Variants in CCDC102B observed in about 807,000 individuals in gnomAD.
CCDC102B encodes the protein coiled-coil domain containing 102B.
Under a neutral mutation model 57.4 loss-of-function variants are expected in CCDC102B, and 75 were observed. The ratio of observed to expected loss-of-function variants is 1.31; its 90% CI spans 1.08 to 1.58. CCDC102B has a LOEUF of 1.58. Among genes scored for constraint, CCDC102B ranks in the 40% most tolerant of loss-of-function variants. The pLI is 0.00. For synonymous variants in CCDC102B, 206 were observed against 201.9 expected (o/e 1.02, Z -0.17); for missense variants, 636 against 582.6 (o/e 1.09, Z -0.94).
At chr18:68,734,854 T>A (rs1397754167) in intron 2 of CCDC102B, 1 of 152,154 alleles carries the variant, frequency 6.6e-6, no homozygotes, top group Non-Finnish European at 1.5e-5. Flanking sequence ...TAGTCTTTTT[T>A]AAAAAAATTA....
intron 4 of CCDC102B, among the ~76,000 whole-genome samples, chr18:68,856,122 T>G (rs2038373839): frequency 6.6e-6 from 1 of 152,192 alleles, no homozygotes; most frequent in Admixed American, 6.5e-5. Context: ...TCACATACTT[T>G]AACTTCATAA....
intron 7 of CCDC102B, among the ~76,000 whole-genome samples, chr18:69,047,714 A>T (rs147746185): frequency 2.0e-4 from 31 of 152,238 alleles, no homozygotes; most frequent in African/African-American, 7.5e-4. Context: ...AAATCAATGT[A>T]CGGTAATCAG....
At chr18:68,863,468 C>T (rs2038847512) in intron 4 of CCDC102B, among the ~76,000 whole-genome samples, 2 of 151,890 alleles carry the variant, frequency 1.3e-5, no homozygotes, top group Non-Finnish European at 2.9e-5. Flanking sequence ...CAGACTGATC[C>T]TCATTGCCTA....
chr18:69,013,044 A>T (rs2051562099), intron 7 of CCDC102B, among the ~76,000 whole-genome samples: 2 of 151,834 alleles, frequency 1.3e-5, no homozygotes, highest in Admixed American at 1.3e-4. Context: ...AAAAAAAAAC[A>T]TTATATCAAA....
chr18:69,015,925 G>A (rs2051652158), intron 7 of CCDC102B, among the ~76,000 whole-genome samples: 1 of 151,810 alleles, frequency 6.6e-6, no homozygotes, highest in South Asian at 2.1e-4. Flanking sequence ...TGTGATCTTG[G>A]CTCACTGCAA....
chr18:68,943,906 T>G (rs944123649), intron 6 of CCDC102B, among the ~76,000 whole-genome samples: 1 of 152,134 alleles, frequency 6.6e-6, no homozygotes, highest in African/African-American at 2.4e-5. Flanking sequence ...TACAGAGAGA[T>G]AAACAATTTA....
At chr18:68,876,769 A>G (rs1043007153) in intron 5 of CCDC102B, among the ~76,000 whole-genome samples, 15 of 152,224 alleles carry the variant, frequency 9.9e-5, no homozygotes, top group African/African-American at 3.6e-4. Context: ...CTCAGGAAAC[A>G]GAATATATAA....
chr18:68,854,344 C>A (rs777288802), intron 4 of CCDC102B, among the ~76,000 whole-genome samples: 3 of 152,148 alleles, frequency 2.0e-5, no homozygotes, highest in Non-Finnish European at 4.4e-5. Context: ...AGGTGACCCG[C>A]CTGCCTCGGC....
Position 68,984,221 on chromosome 18 carries a change from G to C in CCDC102B, c.1264-26713G>C, listed in dbSNP as rs77765885. Among the ~76,000 whole-genome samples, 552 of 151,912 alleles carry C rather than the reference G, an allele frequency of 3.6e-3. 20 individuals carry two copies. The East Asian group carries it at 0.081, about 22-fold the overall frequency. On this transcript the variant is annotated intron_variant, in intron 6 of 7. Coordinates refer to ENST00000360242, the MANE Select transcript of CCDC102B (RefSeq NM_024781.3). Reference sequence around the variant, plus strand: ...ATATCCTCTCTATGAGCTACCACAGGCTTGTTCCAATACATGAATACACTG... The same window carrying C: ...ATATCCTCTCTATGAGCTACCACAGCCTTGTTCCAATACATGAATACACTG...
intron 7 of CCDC102B, among the ~76,000 whole-genome samples, chr18:69,014,605 G>A (rs556056456): frequency 1.3e-5 from 2 of 151,882 alleles, no homozygotes; most frequent in South Asian, 2.1e-4. Context: ...GTGTGTGTTG[G>A]GGGGGCGGGG....
intron 6 of CCDC102B, among the ~76,000 whole-genome samples, chr18:68,986,248 T>C (rs1233993526): frequency 6.6e-6 from 1 of 151,974 alleles, no homozygotes; most frequent in Non-Finnish European, 1.5e-5. Context: ...GACACAAAAA[T>C]CATCAGCAAA....
rs116024640 is a variant in CCDC102B at position 69,011,453 on chromosome 18, T to A, written c.1434+349T>A. Among the ~76,000 whole-genome samples the A allele has an allele frequency of 9.6e-4, 146 of 152,070 alleles. 3 individuals carry two copies. Among genetic ancestry groups the A allele is most frequent in the African/African-American group, 3.4e-3 (142 of 41,486 alleles). On this transcript the variant is annotated intron_variant, in intron 7 of 7. Transcript: ENST00000360242. ...GTGTTTTAAGATTTAAGCATCTATA[T>A]CAAAAAGTGTGATATATCTTATTAT... is the stretch of plus-strand genomic sequence containing the variant.
chr18:68,838,728 C>T lies in CCDC102B; in HGVS notation c.629C>T (p.Ser210Phe), dbSNP rs753089174. ...NNKEQGVVID[S>F]LKLSEEMKPN... ...CAGGAACAAGGTGTGGTTATTGATT[C>T]TCTAAAATTAAGTGAGGAGATGAAG... The change falls in exon 3 of 8, where the codon TCT becomes TTT. Residue 210 changes from serine to phenylalanine, a missense_variant. Coordinates refer to ENST00000360242, the MANE Select transcript of CCDC102B (RefSeq NM_024781.3). 2.5e-6 allele frequency: 4 copies of T among 1,613,532 alleles called. No individual in the cohort carries two copies. The highest frequency in any genetic ancestry group is 1.3e-5 in the African/African-American group (1 of 74,856).
At chr18:69,014,941 A>G (rs113992378) in intron 7 of CCDC102B, among the ~76,000 whole-genome samples, 4,812 of 144,520 alleles carry the variant, frequency 0.033, 279 homozygotes, top group African/African-American at 0.11. Context: ...AGTGGCCTGC[A>G]CTATACTGTA....
At chr18:68,818,867 T>TAAC (rs2036590958) in intron 1 of CCDC102B, among the ~76,000 whole-genome samples, 1 of 152,180 alleles carries the variant, frequency 6.6e-6, no homozygotes, top group South Asian at 2.1e-4. Context: ...ACTTCCTTAG[T>TAAC]AACATATAAT....
chr18:68,776,502 A>G (rs1326594045), intron 2 of CCDC102B, among the ~76,000 whole-genome samples: 12 of 152,200 alleles, frequency 7.9e-5, no homozygotes, highest in Non-Finnish European at 1.5e-5. Flanking sequence ...GAATGAGATC[A>G]TGTCCTTTGC....
rs1372360559 is a variant in CCDC102B at position 68,897,485 on chromosome 18, C to T, written c.1263+57C>T. 5 of 1,578,386 alleles carry T rather than the reference C, an allele frequency of 3.2e-6. No individual in the cohort carries two copies. In the Admixed American group the frequency reaches 6.7e-5, roughly 21 times the overall value. Reference sequence around the variant, plus strand: ...GTCTAATCTCACTCTGATGCCTACGCAGAGTCTGTCTTCACTCGTACACGC... The same window carrying T: ...GTCTAATCTCACTCTGATGCCTACGTAGAGTCTGTCTTCACTCGTACACGC... On this transcript the variant is annotated intron_variant, in intron 6 of 7. Coordinates refer to ENST00000360242, the MANE Select transcript of CCDC102B (RefSeq NM_024781.3).
chr18:68,907,667 A>G (rs890667894), intron 6 of CCDC102B, among the ~76,000 whole-genome samples: 3 of 152,198 alleles, frequency 2.0e-5, no homozygotes, highest in African/African-American at 7.2e-5. Flanking sequence ...GAAGTTGTAT[A>G]TTAGCTGTAG....
At chr18:69,044,859 T>C (rs1221747210) in intron 7 of CCDC102B, among the ~76,000 whole-genome samples, 1 of 152,174 alleles carries the variant, frequency 6.6e-6, no homozygotes, top group African/African-American at 2.4e-5. Context: ...ATACCACAAA[T>C]TGAGTAGCTT....
Sources: gnomAD v4.1 joint callset for allele counts (sites outside exome capture counted in the v4.1 genomes callset) on GRCh38, gnomAD v4.1.1 for gene constraint, MANE v1.5 for transcripts, NCBI Gene and HGNC (gene_info 2026-07-23, HGNC 2026-07-21) for gene names.